The following CHRDL2 variants were observed in gnomAD, a reference collection of about 807,000 sequenced individuals.
CHRDL2 encodes chordin-like protein 2.
In CHRDL2, 41 loss-of-function variants were observed where a neutral mutation model predicts 54.3. That is an observed-to-expected ratio of 0.76 (90% CI 0.59 to 0.98). The LOEUF is 0.98. CHRDL2 is among the 50% of genes least tolerant of loss of function. The pLI is 0.00. For missense variants in CHRDL2, 518 were observed against 562.4 expected (o/e 0.92, Z 0.80); for synonymous variants, 220 against 224.3 (o/e 0.98, Z 0.17).
intron 7 of CHRDL2, among the ~76,000 whole-genome samples, chr11:74,704,011 C>G (rs554786802): frequency 2.8e-4 from 43 of 152,320 alleles, no homozygotes; most frequent in African/African-American, 1.0e-3. Flanking sequence ...TCTACTTCAT[C>G]CCCACTGTCC....
chr11:74,714,151 G>GT lies in CHRDL2; in HGVS notation c.196-673dup, dbSNP rs967673467. ...GGGGGTCTTCCCAGCTCTCCAGGCA[G>GT]TTTTTTTTTTGGCCCCTCAGCCTTC... On this transcript the variant is annotated intron_variant, in intron 2 of 10. Coordinates refer to ENST00000376332, the MANE Select transcript of CHRDL2 (RefSeq NM_001278473.3). 6.6e-4 allele frequency among the ~76,000 whole-genome samples: 98 copies of GT among 148,292 alleles called. No homozygotes were observed. In the South Asian group the frequency reaches 7.9e-3, roughly 12 times the overall value.
intron 4 of CHRDL2, among the ~76,000 whole-genome samples, chr11:74,710,528 C>T (rs1474858514): frequency 6.6e-6 from 1 of 152,182 alleles, no homozygotes. Context: ...ATTCAATAAT[C>T]ATTACAGATG....
intron 9 of CHRDL2, among the ~76,000 whole-genome samples, chr11:74,700,318 C>T (rs1169369465): frequency 1.3e-5 from 2 of 152,270 alleles, no homozygotes; most frequent in African/African-American, 4.8e-5. Flanking sequence ...GAGGCTCTCA[C>T]TGTCATCCTG....
intron 9 of CHRDL2, among the ~76,000 whole-genome samples, chr11:74,700,322 C>T (rs1315424000): frequency 6.6e-6 from 1 of 152,262 alleles, no homozygotes; most frequent in Non-Finnish European, 1.5e-5. Context: ...CTCTCACTGT[C>T]ATCCTGGCTG....
chr11:74,703,349 C>T lies in CHRDL2; in HGVS notation c.902G>A (p.Arg301His), dbSNP rs201003334. 2.9e-5 allele frequency: 46 copies of T among 1,612,596 alleles called. 1 individual carries two copies. Among genetic ancestry groups the T allele is most frequent in the Admixed American group, 2.2e-4 (13 of 59,866 alleles). Reference protein sequence around the residue: ...RVTCPTEYPCRHPEKVAGKCC... With the variant: ...RVTCPTEYPCHHPEKVAGKCC... ...CTTCCCAGCCACTTTCTCGGGGTGA[C>T]GGCAGGGGTACTCGGTGGGACAGGT... is the stretch of plus-strand genomic sequence containing the variant. Residue 301 changes from arginine (R) to histidine (H), a missense_variant, in exon 8 of 11, where the codon CGT becomes CAT. Arg to His is a conservative substitution (Grantham distance 29, BLOSUM62 0). Coordinates refer to ENST00000376332, the MANE Select transcript of CHRDL2 (RefSeq NM_001278473.3).
intron 1 of CHRDL2, chr11:74,720,300 C>A (rs2034473542): frequency 6.5e-6 from 1 of 153,912 alleles, no homozygotes; most frequent in African/African-American, 2.4e-5. Context: ...TTGTCATCTT[C>A]TGGAATAGAT....
chr11:74,730,372 A>G (rs923115477), intron 1 of CHRDL2, among the ~76,000 whole-genome samples: 2 of 152,204 alleles, frequency 1.3e-5, no homozygotes, highest in Admixed American at 6.5e-5. Context: ...CTCACTGGAG[A>G]GTTGCGAGGA....
chr11:74,728,551 T>TG (rs5792670), intron 1 of CHRDL2, among the ~76,000 whole-genome samples: 1 of 149,904 alleles, frequency 6.7e-6, no homozygotes, highest in Non-Finnish European at 1.5e-5. Context: ...TTGTTGTTGT[T>TG]TTTTAAGAGA....
chr11:74,723,742 A>G (rs573167305), intron 1 of CHRDL2, among the ~76,000 whole-genome samples: 1 of 152,314 alleles, frequency 6.6e-6, no homozygotes, highest in Non-Finnish European at 1.5e-5. Context: ...ACACTGGACA[A>G]AGGGGTGATT....
intron 1 of CHRDL2, among the ~76,000 whole-genome samples, chr11:74,726,176 A>T (rs1177741314): frequency 6.6e-6 from 1 of 152,186 alleles, no homozygotes; most frequent in Non-Finnish European, 1.5e-5. Flanking sequence ...AAAGGGCAGG[A>T]AACAGGGTGG....
At chr11:74,720,783 C>T (rs1445843687) in intron 1 of CHRDL2, among the ~76,000 whole-genome samples, 1 of 152,174 alleles carries the variant, frequency 6.6e-6, no homozygotes, top group Non-Finnish European at 1.5e-5. Flanking sequence ...GCTGGGCTGG[C>T]GTGCAGCCCC....
intron 1 of CHRDL2, among the ~76,000 whole-genome samples, chr11:74,726,801 G>A (rs1278872173): frequency 1.3e-5 from 2 of 152,184 alleles, no homozygotes; most frequent in Non-Finnish European, 2.9e-5. Flanking sequence ...CAGAGATCCA[G>A]AGAGAAGTCA....
chr11:74,717,389 G>A (rs970274237), intron 2 of CHRDL2, among the ~76,000 whole-genome samples: 1 of 152,198 alleles, frequency 6.6e-6, no homozygotes, highest in African/African-American at 2.4e-5. Flanking sequence ...TTTGTCAACT[G>A]GACCACATGA....
chr11:74,728,992 G>C lies in CHRDL2; in HGVS notation c.82+1815C>G, dbSNP rs76679411. On this transcript the variant is annotated intron_variant, in intron 1 of 10. Transcript: ENST00000376332. ...AGCTGAAGGCCAGGGAGGCACAGAC[G>C]AGGGAGATCAGAGTGGATCAAGTCA... Among the ~76,000 whole-genome samples, 974 of 152,306 alleles carry C rather than the reference G, an allele frequency of 6.4e-3. 7 individuals carry two copies. The highest frequency in any genetic ancestry group is 0.01 in the Non-Finnish European group (707 of 68,032).
intron 1 of CHRDL2, chr11:74,720,425 C>G (rs1246048564): frequency 2.6e-5 from 4 of 153,724 alleles, no homozygotes; most frequent in Non-Finnish European, 5.9e-5. Context: ...GGACTCCCGC[C>G]TCCAAAGCAG....
rs760762037 is a variant in CHRDL2 at position 74,710,939 on chromosome 11, G to A, written c.342C>T (p.Asn114=). The part of the protein sequence containing the change: ...LRAPPKSCQH[N]GTMYQHGEIF... ...TCTCTCCGTGTTGGTACATGGTCCC[G>A]TTGTGCTGGCAGGACTTTGGTGGGG... Residue 114 remains asparagine, a synonymous_variant, in exon 4 of 11, where the codon AAC becomes AAT. Coordinates refer to ENST00000376332, the MANE Select transcript of CHRDL2 (RefSeq NM_001278473.3). 19 of 1,614,028 alleles carry A rather than the reference G, an allele frequency of 1.2e-5. No individual in the cohort carries two copies. The highest frequency in any genetic ancestry group is 1.1e-4 in the African/African-American group (8 of 74,934).
At chr11:74,696,885 A>C (rs941113893) in intron 10 of CHRDL2, among the ~76,000 whole-genome samples, 4 of 152,172 alleles carry the variant, frequency 2.6e-5, no homozygotes, top group African/African-American at 9.7e-5. Context: ...CCTAAAAGTA[A>C]GGTATAGAAG....
chr11:74,703,395 G>A lies in CHRDL2; in HGVS notation c.856C>T (p.Arg286Cys), dbSNP rs146734849. 37 of 1,613,538 alleles carry A rather than the reference G, an allele frequency of 2.3e-5. No individual in the cohort carries two copies. The highest frequency in any genetic ancestry group is 3.3e-5 in the South Asian group (3 of 91,070). The change falls in exon 8 of 11, where the codon CGC becomes TGC. Residue 286 changes from arginine (R) to cysteine (C), a missense_variant. By Grantham distance (180) the Arg-to-Cys change is radical (BLOSUM62 -3). Coordinates refer to ENST00000376332, the MANE Select transcript of CHRDL2 (RefSeq NM_001278473.3). ...PCILCTCEDG[R>C]QDCQRVTCPT... ...CAGGTCACACGCTGGCAGTCCTGGC[G>A]GCCATCCTCACAGGTGCATAGGATG...
chr11:74,696,606 G>A, intron 10 of CHRDL2, 21 bp from the exon 11 acceptor site: 2 of 1,578,444 alleles, frequency 1.3e-6, no homozygotes, highest in Non-Finnish European at 8.7e-7. Context: ...GAGGGCAGAA[G>A]AGGGAAGAGG....
Sources: allele counts gnomAD v4.1 joint callset (sites outside exome capture counted in the v4.1 genomes callset), GRCh38; gene constraint gnomAD v4.1.1; transcripts MANE v1.5; gene names NCBI Gene and HGNC (gene_info 2026-07-23, HGNC 2026-07-21).